KHDRBS2: variants seen among roughly 807,000 people sequenced by gnomAD.
KHDRBS2 encodes the protein KH domain-containing, RNA-binding, signal transduction-associated protein 2.
In KHDRBS2, 26 loss-of-function variants were observed where a neutral mutation model predicts 44.3. The observed-to-expected ratio is 0.59, with a 90% CI of 0.43 to 0.81. KHDRBS2 has a LOEUF of 0.81. Ranked by LOEUF, KHDRBS2 falls within the 40% of genes least tolerant of loss-of-function variation. The pLI is 0.00. For synonymous variants in KHDRBS2, 194 were observed against 151.1 expected (o/e 1.28, Z -2.08); for missense variants, 476 against 433.1 (o/e 1.10, Z -0.88).
chr6:62,104,375 C>A (rs1398160384), intron 2 of KHDRBS2, among the ~76,000 whole-genome samples: 1 of 152,032 alleles, frequency 6.6e-6, no homozygotes, highest in African/African-American at 2.4e-5. Flanking sequence ...ATGTGCCATG[C>A]TGGTGCACTG....
At chr6:61,836,712 A>G (rs1792743523) in intron 6 of KHDRBS2, among the ~76,000 whole-genome samples, 3 of 152,010 alleles carry the variant, frequency 2.0e-5, no homozygotes, top group African/African-American at 4.8e-5. Flanking sequence ...GCTAAAAGTA[A>G]TAACACCATG....
At chr6:61,827,617 A>G (rs1327246772) in intron 6 of KHDRBS2, among the ~76,000 whole-genome samples, 1 of 152,136 alleles carries the variant, frequency 6.6e-6, no homozygotes, top group African/African-American at 2.4e-5. Flanking sequence ...AAAACACCAT[A>G]GACTGGGTGG....
At chr6:62,083,894 T>C (rs755542080) in intron 2 of KHDRBS2, among the ~76,000 whole-genome samples, 16 of 152,204 alleles carry the variant, frequency 1.1e-4, no homozygotes. Context: ...AAATTTATTA[T>C]TGTCCTATTA....
intron 1 of KHDRBS2, among the ~76,000 whole-genome samples, chr6:62,258,709 C>A (rs1445569059): frequency 2.0e-5 from 3 of 151,898 alleles, no homozygotes; most frequent in Non-Finnish European, 4.4e-5. Flanking sequence ...CCTAAGATAT[C>A]CCATTATGTA....
chr6:61,763,722 T>C (rs957577499), intron 6 of KHDRBS2, among the ~76,000 whole-genome samples: 14 of 152,190 alleles, frequency 9.2e-5, no homozygotes, highest in African/African-American at 2.9e-4. Context: ...TAGACTTATG[T>C]GGAATCCTTA....
At chr6:62,057,589 C>T (rs1193895155) in intron 2 of KHDRBS2, among the ~76,000 whole-genome samples, 4 of 151,912 alleles carry the variant, frequency 2.6e-5, no homozygotes, top group Non-Finnish European at 5.9e-5. Flanking sequence ...TTCTTTCAAC[C>T]TCTTTTGAAG....
At chr6:61,995,754 T>A (rs1777053334) in intron 3 of KHDRBS2, among the ~76,000 whole-genome samples, 1 of 151,832 alleles carries the variant, frequency 6.6e-6, no homozygotes, top group South Asian at 2.1e-4. Context: ...TAATTAGCAC[T>A]ATGTTTCAGA....
chr6:61,789,637 T>C (rs1266883000), intron 6 of KHDRBS2, among the ~76,000 whole-genome samples: 3 of 151,506 alleles, frequency 2.0e-5, no homozygotes, highest in African/African-American at 7.3e-5. Context: ...AAACAGGCTT[T>C]GGGGTGGCTC....
chr6:61,551,355 A>G, the KHDRBS2 span, among the ~76,000 whole-genome samples: 1 of 151,960 alleles, frequency 6.6e-6, no homozygotes, highest in Non-Finnish European at 1.5e-5. Flanking sequence ...GCTGTACAGA[A>G]GCTCTTTAGT....
At chr6:62,173,898 T>G (rs966410512) in intron 2 of KHDRBS2, among the ~76,000 whole-genome samples, 19 of 151,876 alleles carry the variant, frequency 1.3e-4, no homozygotes, top group African/African-American at 4.6e-4. Context: ...GACTAAGCAT[T>G]GAGGGAATAT....
chr6:61,607,424 A>G, the KHDRBS2 span, among the ~76,000 whole-genome samples: 5 of 150,722 alleles, frequency 3.3e-5, no homozygotes, highest in African/African-American at 1.2e-4. Context: ...TTAAAAAACA[A>G]TAAAATAGAT....
At chr6:61,934,941 T>C (rs1373012890) in intron 4 of KHDRBS2, among the ~76,000 whole-genome samples, 2 of 152,318 alleles carry the variant, frequency 1.3e-5, no homozygotes, top group East Asian at 1.9e-4. Context: ...TGCTACTAAG[T>C]ATGGCTTCTA....
chr6:61,628,931 G>A, the KHDRBS2 span, among the ~76,000 whole-genome samples: 1 of 152,156 alleles, frequency 6.6e-6, no homozygotes, highest in Non-Finnish European at 1.5e-5. Flanking sequence ...CAGTTTTGCT[G>A]TAATAGTTTC....
intron 2 of KHDRBS2, among the ~76,000 whole-genome samples, chr6:62,109,416 A>G (rs1804471545): frequency 6.6e-6 from 1 of 152,020 alleles, no homozygotes; most frequent in African/African-American, 2.4e-5. Flanking sequence ...GAGATTATAT[A>G]AAGATTTTTG....
intron 2 of KHDRBS2, among the ~76,000 whole-genome samples, chr6:62,091,103 C>G (rs1247243427): frequency 2.6e-5 from 4 of 152,204 alleles, no homozygotes; most frequent in South Asian, 2.1e-4. Context: ...TATCTGGGTG[C>G]CTGATTGGAT....
chr6:62,208,094 T>G (rs1224059833), intron 1 of KHDRBS2, among the ~76,000 whole-genome samples: 1 of 152,180 alleles, frequency 6.6e-6, no homozygotes, highest in Admixed American at 6.6e-5. Context: ...TATATCTGTA[T>G]AGTTGAATTA....
chr6:61,821,214 G>T (rs1305008729), intron 6 of KHDRBS2, among the ~76,000 whole-genome samples: 1 of 151,988 alleles, frequency 6.6e-6, no homozygotes, highest in African/African-American at 2.4e-5. Flanking sequence ...AATGTAGCTT[G>T]TGGACCACCT....
At chr6:61,856,416 A>G (rs375394357) in intron 6 of KHDRBS2, among the ~76,000 whole-genome samples, 1 of 152,232 alleles carries the variant, frequency 6.6e-6, no homozygotes, top group South Asian at 2.1e-4. Context: ...TTTTACTCAG[A>G]GCAGAGGGTG....
chr6:62,248,104 T>C (rs1835906295), intron 1 of KHDRBS2, among the ~76,000 whole-genome samples: 1 of 152,190 alleles, frequency 6.6e-6, no homozygotes, highest in South Asian at 2.1e-4. Context: ...AGCTCCACTT[T>C]ACACCTAGTT....
Sources: allele counts gnomAD v4.1 joint callset (sites outside exome capture counted in the v4.1 genomes callset), GRCh38; gene constraint gnomAD v4.1.1; transcripts MANE v1.5; gene names NCBI Gene and HGNC (gene_info 2026-07-23, HGNC 2026-07-21).